Variants in BPTF observed in about 807,000 individuals in gnomAD.
The protein encoded by BPTF is bromodomain PHD finger transcription factor.
BPTF carries 18 observed loss-of-function variants against 292.5 expected under a neutral mutation model. The ratio of observed to expected loss-of-function variants is 0.06; its 90% CI spans 0.04 to 0.09. BPTF has a LOEUF of 0.09. Ranked by LOEUF, BPTF falls within the 10% of genes least tolerant of loss-of-function variation. BPTF has a pLI of 1.00. For missense variants in BPTF, 2,726 were observed against 3,498.7 expected (o/e 0.78, Z 5.57); for synonymous variants, 1,225 against 1,251.9 (o/e 0.98, Z 0.45).
At chr17:67,908,561 C>T (rs1465090798) in intron 9 of BPTF, among the ~76,000 whole-genome samples, 1 of 144,468 alleles carries the variant, frequency 6.9e-6, no homozygotes, top group East Asian at 2.1e-4. Context: ...GGTACGATCT[C>T]AGTTCACTGC....
In BPTF at chr17:67,854,186, A is replaced by C. The variant is rs2058571579; in HGVS notation, c.860A>C (p.His287Pro). The C allele has an allele frequency of 6.2e-7, 1 of 1,614,066 alleles. No individual in the cohort carries two copies. The highest frequency in any genetic ancestry group is 1.3e-5 in the African/African-American group (1 of 74,920). The change falls in exon 2 of 28, where the codon CAT becomes CCT. Residue 287 changes from histidine (H) to proline (P), a missense_variant. Physicochemically the swap from His to Pro is moderately conservative, Grantham distance 77. This residue lies in a region of BPTF where 102 missense variants were observed against 212.6 expected (regional missense o/e 0.48). Transcript: ENST00000306378. The surrounding 1 kb of genome is among the most constrained non-coding windows in gnomAD (Gnocchi z 5.6). Reference sequence around the variant, plus strand: ...CAGTGCACACTCATGGCAGAGATGCATGTTGTGCTTTTGAAAGCAGTTCTG... The same window carrying C: ...CAGTGCACACTCATGGCAGAGATGCCTGTTGTGCTTTTGAAAGCAGTTCTG... ...QEQCTLMAEM[H>P]VVLLKAVLRE...
At chr17:67,897,341 CAAAAAAAAAAAAAAA>C (rs750678904) in intron 7 of BPTF, among the ~76,000 whole-genome samples, 16 of 17,768 alleles carry the variant, frequency 9.0e-4, no homozygotes, top group Admixed American at 3.4e-3. Flanking sequence ...AACTCTGTCT[CAAAAAAAAAAAAAAA>C]AAAAAAAAAA....
At chr17:67,907,725 C>T (rs1033191254) in intron 9 of BPTF, among the ~76,000 whole-genome samples, 11 of 152,126 alleles carry the variant, frequency 7.2e-5, no homozygotes, top group South Asian at 2.1e-4. Context: ...TAAAATAAAT[C>T]CCAGAAATCA....
intron 24 of BPTF, chr17:67,960,157 CA>C: frequency 3.4e-6 from 1 of 292,386 alleles, no homozygotes; most frequent in South Asian, 5.8e-5. Flanking sequence ...GAATTAACTC[CA>C]AATCAGTGAG....
At chr17:67,968,842 C>CGT (rs1331025780) in intron 26 of BPTF, among the ~76,000 whole-genome samples, 17 of 150,580 alleles carry the variant, frequency 1.1e-4, no homozygotes, top group African/African-American at 3.7e-4. Flanking sequence ...ATTAGCCCGG[C>CGT]GTGGTGGCAC....
At chr17:67,976,585 C>G (rs1290486740) in intron 27 of BPTF, among the ~76,000 whole-genome samples, 4 of 149,480 alleles carry the variant, frequency 2.7e-5, no homozygotes, top group African/African-American at 7.4e-5. Context: ...ACTCAGGAGG[C>G]TGTGACAGGA....
chr17:67,968,717 G>A (rs891643158), intron 26 of BPTF, among the ~76,000 whole-genome samples: 2 of 151,178 alleles, frequency 1.3e-5, no homozygotes, highest in Non-Finnish European at 2.9e-5. Flanking sequence ...GAACCCGGGA[G>A]GTGGAGCTTG....
At chr17:67,925,706 T>C (rs2063811664) in intron 15 of BPTF, among the ~76,000 whole-genome samples, 1 of 152,164 alleles carries the variant, frequency 6.6e-6, no homozygotes, top group Admixed American at 6.6e-5. Context: ...TATACATAAC[T>C]ATTTAAAAAT....
In BPTF at chr17:67,916,765, C is replaced by CAAAA. The variant is rs768285922; in HGVS notation, c.5304-1932_5304-1929dup. Reference sequence around the variant, plus strand: ...TGGGTGACAGAGCAATACTCTGTCTCAAAAAAAAAAAAAAAAAAAAGAAAG... The same window carrying CAAAA: ...TGGGTGACAGAGCAATACTCTGTCTCAAAAAAAAAAAAAAAAAAAAAAAAGAAAG... On this transcript the variant is annotated intron_variant, in intron 11 of 27. Coordinates refer to ENST00000306378, the MANE Select transcript of BPTF (RefSeq NM_182641.4). Among the ~76,000 whole-genome samples, 221 of 56,240 alleles carry CAAAA rather than the reference C, an allele frequency of 3.9e-3. 5 individuals carry two copies. The highest frequency in any genetic ancestry group is 0.012 in the African/African-American group (205 of 17,556). The allele number at this position is 56,240 out of a possible 152,430, so 36.9% of individuals were successfully genotyped here. A position where few individuals can be genotyped will look rare whatever the true frequency, so the allele number is the denominator to read the frequency against.
chr17:67,843,602 A>G (rs1598180216), intron 1 of BPTF, among the ~76,000 whole-genome samples: 1 of 149,258 alleles, frequency 6.7e-6, no homozygotes, highest in South Asian at 2.1e-4. Context: ...CTAGATATAT[A>G]TGTATAAATA....
intron 27 of BPTF, chr17:67,981,348 T>C: frequency 2.6e-6 from 1 of 383,560 alleles, no homozygotes; most frequent in African/African-American, 2.2e-5. Flanking sequence ...CATTTTATGA[T>C]CTCCAGCATT....
rs1365689052 is a variant in BPTF at position 67,962,530 on chromosome 17, G to T, written c.8262-1682G>T. ...AGCAGTGTAGACCCTCACAGGCTTT[G>T]GATAACTATCCTTGCATCATTCTCC... On this transcript the variant is annotated intron_variant, in intron 24 of 27. Coordinates refer to ENST00000306378, the MANE Select transcript of BPTF (RefSeq NM_182641.4). 1.3e-5 allele frequency among the ~76,000 whole-genome samples: 2 copies of T among 152,186 alleles called. 1 individual carries two copies. The highest frequency in any genetic ancestry group is 4.8e-5 in the African/African-American group (2 of 41,446).
rs529491998 is a variant in BPTF at position 67,981,003 on chromosome 17, C to CA, written c.8727-1243dup. Among the ~76,000 whole-genome samples, 9 of 152,130 alleles carry CA rather than the reference C, an allele frequency of 5.9e-5. No homozygotes were observed. In the South Asian group the frequency reaches 1.2e-3, roughly 21 times the overall value. ...GGAAACCCCATCCCTACAGAAAATA[C>CA]AAAAAATTAGCCGGGCATGGTGGCA... is the stretch of plus-strand genomic sequence containing the variant. On this transcript the variant is annotated intron_variant, in intron 27 of 27. Transcript: ENST00000306378.
intron 24 of BPTF, among the ~76,000 whole-genome samples, chr17:67,962,960 CAGATGTA>C (rs1287409731): frequency 6.6e-6 from 1 of 152,192 alleles, no homozygotes; most frequent in African/African-American, 2.4e-5. Context: ...ATAGGTTTGA[CAGATGTA>C]AGTCTTTGAT....
chr17:67,948,384 A>G, intron 23 of BPTF, 78 bp downstream of exon 23: 1 of 1,305,188 alleles, frequency 7.7e-7, no homozygotes, highest in Non-Finnish European at 1.0e-6. Flanking sequence ...CCTTTTTAAT[A>G]AAGCTTAAAA....
chr17:67,861,739 A>G (rs2059096804), intron 2 of BPTF, among the ~76,000 whole-genome samples: 2 of 152,192 alleles, frequency 1.3e-5, no homozygotes, highest in Admixed American at 1.3e-4. Flanking sequence ...TTTAGCACAG[A>G]TCCCTAACTT....
rs1341692995 is a variant in BPTF, at chr17:67,912,858, C to T, written c.4974C>T (p.Thr1658=). 6.2e-7 allele frequency: 1 copy of T among 1,614,080 alleles called. No individual in the cohort carries two copies. The highest frequency in any genetic ancestry group is 1.1e-5 in the South Asian group (1 of 91,080). ...SVKEQSKTVV[T]TTVTDSLTTT... Reference sequence around the variant, plus strand: ...AGGAGCAGAGCAAAACCGTGGTCACCACGACAGTGACAGACTCCCTGACCA... The same window carrying T: ...AGGAGCAGAGCAAAACCGTGGTCACTACGACAGTGACAGACTCCCTGACCA... Residue 1658 remains threonine (T), a synonymous_variant, in exon 11 of 28, where the codon ACC becomes ACT. Coordinates refer to ENST00000306378, the MANE Select transcript of BPTF (RefSeq NM_182641.4).
Position 67,825,733 on chromosome 17 carries a change from C to T in BPTF, c.9C>T (p.Gly3=), listed in dbSNP as rs2055928390. The part of the protein sequence containing the change: MR[G]RRGRPPKQPA... Reference sequence around the variant, plus strand: ...CCCGCCTCGGCTCCGACATGAGGGGCCGGCGGGGCAGGCCGCCCAAGCAGC... The same window carrying T: ...CCCGCCTCGGCTCCGACATGAGGGGTCGGCGGGGCAGGCCGCCCAAGCAGC... The change falls in exon 1 of 28, where the codon GGC becomes GGT. Residue 3 remains glycine, a synonymous_variant. Coordinates refer to ENST00000306378, the MANE Select transcript of BPTF (RefSeq NM_182641.4). 2 of 1,031,994 alleles carry T rather than the reference C, an allele frequency of 1.9e-6. No individual in the cohort carries two copies. Among genetic ancestry groups the T allele is most frequent in the South Asian group, 4.3e-5 (1 of 23,140 alleles). The allele number at this position is 1,031,994 out of a possible 1,614,324, so 63.9% of individuals were successfully genotyped here.
chr17:67,877,043 A>AT (rs1461652280), intron 4 of BPTF, among the ~76,000 whole-genome samples: 2 of 152,174 alleles, frequency 1.3e-5, no homozygotes, highest in African/African-American at 2.4e-5. Flanking sequence ...AAACAAAACA[A>AT]TGATCAAACA....
Sources: gnomAD v4.1 joint callset for allele counts (sites outside exome capture counted in the v4.1 genomes callset) on GRCh38, gnomAD v4.1.1 for gene constraint, gnomAD v4.1.1 regional missense constraint, Gnocchi (gnomAD v3.1) non-coding constraint, MANE v1.5 for transcripts, NCBI Gene and HGNC (gene_info 2026-07-23, HGNC 2026-07-21) for gene names.